Variants in CENPP observed in about 807,000 individuals in gnomAD.
CENPP encodes the protein centromere protein P.
Under a neutral mutation model 35.6 loss-of-function variants are expected in CENPP, and 24 were observed. The ratio of observed to expected loss-of-function variants is 0.67; its 90% CI spans 0.49 to 0.95. CENPP has a LOEUF of 0.95. Ranked by LOEUF, CENPP falls within the 40% of genes least tolerant of loss-of-function variation. CENPP has a pLI of 0.00. For synonymous variants in CENPP, 120 were observed against 125.5 expected (o/e 0.96, Z 0.29); for missense variants, 332 against 345.3 (o/e 0.96, Z 0.31).
intron 5 of CENPP, among the ~76,000 whole-genome samples, chr9:92,405,805 C>T (rs1039321861): frequency 5.9e-5 from 9 of 152,250 alleles, no homozygotes; most frequent in African/African-American, 2.2e-4. Context: ...GAACAACTTT[C>T]CTTGAAAAGT....
intron 5 of CENPP, chr9:92,495,773 T>G: frequency 1.1e-6 from 1 of 945,978 alleles, no homozygotes; most frequent in Non-Finnish European, 1.3e-6. Context: ...CACATGTAAT[T>G]AATGGAAGAA....
chr9:92,526,326 ATTTGTGTT>A (rs1454706509), intron 5 of CENPP, among the ~76,000 whole-genome samples: 3 of 152,244 alleles, frequency 2.0e-5, no homozygotes, highest in Non-Finnish European at 4.4e-5. Context: ...TGTACAATGT[ATTTGTGTT>A]TTAAGCCAAG....
chr9:92,506,299 G>A (rs117386741), intron 5 of CENPP, among the ~76,000 whole-genome samples: 3,574 of 152,320 alleles, frequency 0.023, 90 homozygotes, highest in South Asian at 0.12. Context: ...ACAGAGTGCA[G>A]CCAAATGGAA....
intron 5 of CENPP, among the ~76,000 whole-genome samples, chr9:92,446,662 A>G (rs1221331794): frequency 1.3e-5 from 2 of 152,156 alleles, no homozygotes; most frequent in Admixed American, 1.3e-4. Flanking sequence ...AGAAAAGTAT[A>G]TTGAACAAAG....
chr9:92,389,804 C>G (rs887443286), intron 5 of CENPP: 2 of 1,222,584 alleles, frequency 1.6e-6, no homozygotes, highest in South Asian at 1.4e-5. Context: ...TCTCTTTTAT[C>G]TATCATATCA....
intron 5 of CENPP, among the ~76,000 whole-genome samples, chr9:92,495,026 G>T (rs1483508410): frequency 6.6e-6 from 1 of 151,728 alleles, no homozygotes; most frequent in Non-Finnish European, 1.5e-5. Flanking sequence ...TTTTATATGA[G>T]ATAATAACTG....
chr9:92,349,265 G>A (rs1057449164), intron 4 of CENPP, among the ~76,000 whole-genome samples: 12 of 151,866 alleles, frequency 7.9e-5, no homozygotes, highest in African/African-American at 1.2e-4. Context: ...TCTTTATGTC[G>A]CTTGTAATGC....
At position 92,523,018 on chromosome 9, in the gene CENPP, C is replaced by T. The variant is rs554491133; in HGVS notation, c.565-88296C>T. On this transcript the variant is annotated intron_variant, in intron 5 of 7. Transcript: ENST00000375587. ...AGAAATTACACTTATGATATATGGA[C>T]TATATGCTATAGTATTATTGCCAAA... 4 of 885,532 alleles carry T rather than the reference C, an allele frequency of 4.5e-6. No individual in the cohort carries two copies. The Admixed American group carries it at 1.2e-4, about 27-fold the overall frequency. 54.9% of individuals were successfully genotyped at this position (885,532 alleles called of 1,614,324 possible).
At chr9:92,544,542 GGTT>G (rs748468273) in intron 5 of CENPP, among the ~76,000 whole-genome samples, 3 of 139,220 alleles carry the variant, frequency 2.2e-5, no homozygotes, top group African/African-American at 7.7e-5. Context: ...TTTGTTGAGG[GGTT>G]TTTTTTTTTA....
intron 6 of CENPP, among the ~76,000 whole-genome samples, chr9:92,611,732 C>T (rs1300380702): frequency 1.3e-5 from 2 of 152,140 alleles, no homozygotes; most frequent in Non-Finnish European, 2.9e-5. Context: ...GAGTGGAAAA[C>T]CCCAAAGCAA....
chr9:92,379,108 A>G (rs368939674), intron 4 of CENPP, among the ~76,000 whole-genome samples: 1 of 152,226 alleles, frequency 6.6e-6, no homozygotes, highest in Non-Finnish European at 1.5e-5. Context: ...ACTTACAATT[A>G]GCATTTTATT....
At chr9:92,395,297 CT>C (rs1842850155) in intron 5 of CENPP, among the ~76,000 whole-genome samples, 1 of 152,176 alleles carries the variant, frequency 6.6e-6, no homozygotes, top group South Asian at 2.1e-4. Flanking sequence ...CATGGAGTAT[CT>C]ACTTCCTTTT....
At chr9:92,427,135 T>G (rs1270986546) in intron 5 of CENPP, among the ~76,000 whole-genome samples, 1 of 152,190 alleles carries the variant, frequency 6.6e-6, no homozygotes, top group Non-Finnish European at 1.5e-5. Flanking sequence ...GCTGTGAACC[T>G]AAAACTGCTC....
At chr9:92,536,387 G>A (rs951526414) in intron 5 of CENPP, among the ~76,000 whole-genome samples, 1 of 152,076 alleles carries the variant, frequency 6.6e-6, no homozygotes, top group Non-Finnish European at 1.5e-5. Flanking sequence ...TGATATTCTC[G>A]TCAGCTAAAG....
Position 92,551,925 on chromosome 9 carries a change from G to GTATATATATATA in CENPP, c.565-59373_565-59362dup, listed in dbSNP as rs143120429. ...CATTTGTTATATATATGGTGTGTGT[G>GTATATATATATA]TATATATATATATATATATATATAT... On this transcript the variant is annotated intron_variant, in intron 5 of 7. Coordinates refer to ENST00000375587, the MANE Select transcript of CENPP (RefSeq NM_001012267.3). 1.8e-3 allele frequency among the ~76,000 whole-genome samples: 149 copies of GTATATATATATA among 84,500 alleles called. 1 individual carries two copies. The highest frequency in any genetic ancestry group is 4.0e-3 in the South Asian group (13 of 3,274). 55.4% of individuals were successfully genotyped at this position (84,500 alleles called of 152,430 possible).
chr9:92,459,388 C>T (rs1004727394), intron 5 of CENPP, among the ~76,000 whole-genome samples: 1 of 152,258 alleles, frequency 6.6e-6, no homozygotes, highest in African/African-American at 2.4e-5. Flanking sequence ...CCGCAATGTC[C>T]TCAGCAGTTT....
intron 5 of CENPP, chr9:92,517,880 A>G: frequency 6.2e-7 from 1 of 1,613,436 alleles, no homozygotes; most frequent in Non-Finnish European, 8.5e-7. Context: ...TCTTTCCTAG[A>G]AGAAAACAAA....
intron 5 of CENPP, chr9:92,385,086 T>C (rs1842368449): frequency 2.6e-5 from 4 of 152,618 alleles, no homozygotes; most frequent in African/African-American, 7.2e-5. Context: ...TCAGACTAAG[T>C]GAAAAATTTA....
chr9:92,525,893 C>CAAAAAAA (rs71362395), intron 5 of CENPP, among the ~76,000 whole-genome samples: 3 of 43,904 alleles, frequency 6.8e-5, no homozygotes, highest in Non-Finnish European at 9.6e-5. Flanking sequence ...ACTCTATCTC[C>CAAAAAAA]AAAAAAAAAA....
Sources: allele counts gnomAD v4.1 joint callset (sites outside exome capture counted in the v4.1 genomes callset), GRCh38; gene constraint gnomAD v4.1.1; transcripts MANE v1.5; gene names NCBI Gene and HGNC (gene_info 2026-07-23, HGNC 2026-07-21).